Variants in EXOC6B observed in about 807,000 individuals in gnomAD.
The protein encoded by EXOC6B is SEC15 homolog B.
A neutral mutation model predicts 113.5 loss-of-function variants in EXOC6B; 54 were observed. The observed-to-expected ratio is 0.48, with a 90% CI of 0.38 to 0.60. The LOEUF is 0.60. Ranked by LOEUF, EXOC6B falls within the 20% of genes least tolerant of loss-of-function variation. The pLI is 0.00. For missense variants in EXOC6B, 797 were observed against 977.5 expected (o/e 0.82, Z 2.46); for synonymous variants, 357 against 339.0 (o/e 1.05, Z -0.58).
intron 1 of EXOC6B, among the ~76,000 whole-genome samples, chr2:72,762,810 T>C (rs77534155): frequency 0.016 from 2,450 of 152,058 alleles, 83 homozygotes; most frequent in African/African-American, 0.057. Flanking sequence ...AAAAGATTGC[T>C]GATTGTTCAA....
chr2:72,498,425 C>T (rs1194654411), intron 13 of EXOC6B, 29 bp downstream of exon 13: 2 of 1,501,592 alleles, frequency 1.3e-6, no homozygotes, highest in East Asian at 2.3e-5. Flanking sequence ...CATGAACACA[C>T]ACACATATGA....
chr2:72,365,774 G>A (rs1378238936), intron 19 of EXOC6B, among the ~76,000 whole-genome samples: 8 of 152,138 alleles, frequency 5.3e-5, no homozygotes, highest in Admixed American at 5.2e-4. Context: ...ATCTGTGAAA[G>A]TCTTACAGGG....
intron 20 of EXOC6B, among the ~76,000 whole-genome samples, chr2:72,329,380 C>T (rs1030324546): frequency 1.3e-5 from 2 of 152,088 alleles, no homozygotes; most frequent in African/African-American, 4.8e-5. Flanking sequence ...ACCCCAGCCC[C>T]ACCTCCTATG....
intron 6 of EXOC6B, among the ~76,000 whole-genome samples, chr2:72,709,134 G>A (rs1679100523): frequency 6.6e-6 from 1 of 151,870 alleles, no homozygotes; most frequent in Non-Finnish European, 1.5e-5. Flanking sequence ...ACACAAGTCA[G>A]CTAGATTTCT....
intron 1 of EXOC6B, among the ~76,000 whole-genome samples, chr2:72,822,297 T>C (rs572687811): frequency 6.6e-6 from 1 of 152,246 alleles, no homozygotes; most frequent in African/African-American, 2.4e-5. Flanking sequence ...GACTCACAGA[T>C]AACAAAATAA....
At chr2:72,269,738 A>G (rs2104621494) in intron 20 of EXOC6B, among the ~76,000 whole-genome samples, 1 of 152,254 alleles carries the variant, frequency 6.6e-6, no homozygotes, top group East Asian at 1.9e-4. Flanking sequence ...AACCTCTTTG[A>G]GCATTAGTGT....
At chr2:72,306,766 A>G (rs1396474413) in intron 20 of EXOC6B, among the ~76,000 whole-genome samples, 2 of 152,186 alleles carry the variant, frequency 1.3e-5, no homozygotes, top group Admixed American at 1.3e-4. Flanking sequence ...ACTTCCAAAA[A>G]TCTTGTCCGT....
chr2:72,585,524 G>A (rs1462621384), intron 6 of EXOC6B, among the ~76,000 whole-genome samples: 2 of 151,792 alleles, frequency 1.3e-5, no homozygotes, highest in African/African-American at 4.8e-5. Context: ...TTGAACCCAG[G>A]AGGCAGAGGG....
At chr2:72,224,994 G>GTGTGTATATATATATATATATA (rs908047817) in intron 20 of EXOC6B, among the ~76,000 whole-genome samples, 23 of 137,304 alleles carry the variant, frequency 1.7e-4, no homozygotes, top group Non-Finnish European at 1.9e-4. Context: ...GTGTGTGTGT[G>GTGTGTATATATATATATATATA]TATATATATA....
intron 6 of EXOC6B, among the ~76,000 whole-genome samples, chr2:72,579,080 A>G (rs1005020853): frequency 2.0e-5 from 3 of 152,198 alleles, no homozygotes; most frequent in Admixed American, 2.0e-4. Context: ...AAAACAGTCC[A>G]AATAACATTA....
chr2:72,568,075 ACACC>A (rs1704293688), intron 7 of EXOC6B, among the ~76,000 whole-genome samples: 1 of 152,018 alleles, frequency 6.6e-6, no homozygotes, highest in Non-Finnish European at 1.5e-5. Flanking sequence ...AATCTAGTGA[ACACC>A]ATCTTAACCA....
intron 18 of EXOC6B, among the ~76,000 whole-genome samples, chr2:72,438,862 G>T (rs970907535): frequency 1.1e-4 from 16 of 152,136 alleles, no homozygotes; most frequent in Middle Eastern, 3.4e-3. Flanking sequence ...AGAGAAATTG[G>T]CTAGGCTAGA....
intron 20 of EXOC6B, among the ~76,000 whole-genome samples, chr2:72,330,411 G>C (rs1445632326): frequency 6.6e-6 from 1 of 151,974 alleles, no homozygotes; most frequent in African/African-American, 2.4e-5. Flanking sequence ...AAGAAATGGG[G>C]ATTTAAAGAG....
intron 6 of EXOC6B, among the ~76,000 whole-genome samples, chr2:72,682,409 C>T (rs1249635861): frequency 6.6e-6 from 1 of 152,096 alleles, no homozygotes; most frequent in Non-Finnish European, 1.5e-5. Flanking sequence ...AACTCTAAGA[C>T]ATATTTTATC....
chr2:72,515,889 T>C (rs888037755), intron 8 of EXOC6B: 11 of 248,468 alleles, frequency 4.4e-5, no homozygotes, highest in Non-Finnish European at 7.1e-5. Flanking sequence ...ATAGAGTATG[T>C]CTGGTGTCCT....
chr2:72,390,900 A>G (rs1474939439), intron 18 of EXOC6B, among the ~76,000 whole-genome samples: 2 of 152,196 alleles, frequency 1.3e-5, no homozygotes, highest in Non-Finnish European at 2.9e-5. Context: ...CGCCCTATAC[A>G]TTAATAGCTT....
chr2:72,213,299 G>T (rs999662663), intron 20 of EXOC6B, among the ~76,000 whole-genome samples: 13 of 152,164 alleles, frequency 8.5e-5, no homozygotes, highest in Admixed American at 3.9e-4. Flanking sequence ...CTGAGCCCTG[G>T]CCAAATTCCT....
At chr2:72,658,286 TAAAAAAAAAAAAAAAA>T (rs60572283) in intron 6 of EXOC6B, among the ~76,000 whole-genome samples, 2 of 58,726 alleles carry the variant, frequency 3.4e-5, no homozygotes, top group Non-Finnish European at 6.3e-5. Context: ...TAAAAACTAG[TAAAAAAAAAAAAAAAA>T]AAAAAAAAAG....
At chr2:72,288,073 A>G (rs1685556601) in intron 20 of EXOC6B, among the ~76,000 whole-genome samples, 1 of 152,202 alleles carries the variant, frequency 6.6e-6, no homozygotes, top group Non-Finnish European at 1.5e-5. Flanking sequence ...CAATTAACAT[A>G]TGAAAGGTTG....
Sources: allele counts gnomAD v4.1 joint callset (sites outside exome capture counted in the v4.1 genomes callset), GRCh38; gene constraint gnomAD v4.1.1; transcripts MANE v1.5; gene names NCBI Gene and HGNC (gene_info 2026-07-23, HGNC 2026-07-21).